The following PRH1 variants were observed in gnomAD, a reference collection of about 807,000 sequenced individuals.
The protein encoded by PRH1 is salivary acidic proline-rich phosphoprotein 1/2.
PRH1 carries 7 observed loss-of-function variants against 7.9 expected under a neutral mutation model. The observed-to-expected ratio is 0.89, with a 90% CI of 0.50 to 1.67. The LOEUF (loss-of-function observed/expected upper bound fraction) is 1.67, where lower values mean the gene tolerates loss of function less well. Among genes scored for constraint, PRH1 ranks in the 40% most tolerant of loss-of-function variants. The pLI is 0.00. For synonymous variants in PRH1, 45 were observed against 80.8 expected, an observed-to-expected ratio of 0.56 and a Z score of 2.38; for missense variants, 109 against 223.6, an observed-to-expected ratio of 0.49 and a Z score of 3.27.
chr12:10,914,632 T>C (rs755164231), intron 2 of PRH1, among the ~76,000 whole-genome samples: 1 of 152,146 alleles, frequency 6.6e-6, no homozygotes, highest in Non-Finnish European at 1.5e-5. Flanking sequence ...CATTAAGAAC[T>C]CTCCCCTCAT....
chr12:10,890,225 TA>T (rs1949550889), intron 2 of PRH1, among the ~76,000 whole-genome samples: 1 of 152,198 alleles, frequency 6.6e-6, no homozygotes, highest in Non-Finnish European at 1.5e-5. Context: ...TTTGTCCCAC[TA>T]ACATTTTTGG....
At chr12:11,007,775 C>A (rs1306564136) in intron 1 of PRH1, among the ~76,000 whole-genome samples, 20 of 152,004 alleles carry the variant, frequency 1.3e-4, no homozygotes. Flanking sequence ...TTCCCAGAAG[C>A]AGAATGAGAA....
intron 1 of PRH1, among the ~76,000 whole-genome samples, chr12:11,090,941 T>C (rs572831321): frequency 1.8e-5 from 2 of 110,114 alleles, no homozygotes; most frequent in East Asian, 4.3e-4. Flanking sequence ...TAAATAGACA[T>C]TGCAAATTCT....
chr12:11,065,687 GTATT>G (rs765972266), intron 1 of PRH1, among the ~76,000 whole-genome samples: 3 of 152,104 alleles, frequency 2.0e-5, no homozygotes, highest in African/African-American at 4.8e-5. Flanking sequence ...ACTAAACAAA[GTATT>G]TATAACACCA....
At chr12:11,000,947 G>C (rs1439885709) in intron 1 of PRH1, among the ~76,000 whole-genome samples, 1 of 152,092 alleles carries the variant, frequency 6.6e-6, no homozygotes, top group Admixed American at 6.6e-5. Flanking sequence ...GCAGAACAAA[G>C]CACTCTTACC....
At chr12:11,162,501 C>T (rs1592129496) in intron 1 of PRH1, among the ~76,000 whole-genome samples, 1 of 152,296 alleles carries the variant, frequency 6.6e-6, no homozygotes, top group East Asian at 1.9e-4. Flanking sequence ...AAGCCCTGAA[C>T]TTTAAGCTGA....
At chr12:10,897,606 G>A (rs1409155768) in intron 2 of PRH1, among the ~76,000 whole-genome samples, 1 of 152,224 alleles carries the variant, frequency 6.6e-6, no homozygotes, top group African/African-American at 2.4e-5. Context: ...AGGAAGCATG[G>A]CGGCATCTGT....
intron 2 of PRH1, among the ~76,000 whole-genome samples, chr12:10,924,365 A>G (rs1168380678): frequency 6.6e-6 from 1 of 152,216 alleles, no homozygotes; most frequent in African/African-American, 2.4e-5. Context: ...ACAGCAGTTT[A>G]TTACTTTTTT....
At chr12:11,158,281 T>C (rs1387460397) in intron 1 of PRH1, among the ~76,000 whole-genome samples, 3 of 152,178 alleles carry the variant, frequency 2.0e-5, no homozygotes, top group Non-Finnish European at 2.9e-5. Context: ...ATCTGGGTTA[T>C]TTTATTACAG....
chr12:10,898,322 G>C (rs1345892275), intron 2 of PRH1, among the ~76,000 whole-genome samples: 1 of 152,168 alleles, frequency 6.6e-6, no homozygotes, highest in Non-Finnish European at 1.5e-5. Flanking sequence ...GAGTTGGACA[G>C]CCCACCAAAA....
intron 2 of PRH1, among the ~76,000 whole-genome samples, chr12:10,952,731 A>C (rs1379603092): frequency 1.3e-5 from 2 of 152,198 alleles, no homozygotes. Context: ...CCACATGCAT[A>C]AAGATGAATT....
chr12:10,954,707 G>C (rs1386964938), intron 2 of PRH1, among the ~76,000 whole-genome samples: 1 of 152,010 alleles, frequency 6.6e-6, no homozygotes, highest in African/African-American at 2.4e-5. Context: ...AAACTCCTGG[G>C]GTCAAGTGAT....
intron 1 of PRH1, among the ~76,000 whole-genome samples, chr12:11,044,726 G>A (rs1301292212): frequency 6.6e-6 from 1 of 152,128 alleles, no homozygotes; most frequent in Non-Finnish European, 1.5e-5. Context: ...TTGACCATCA[G>A]AGAAATGCAA....
rs183077962 is a variant in PRH1, at chr12:11,168,018, G to C, written n.39+3404C>G. On this transcript the variant is annotated intron_variant and non_coding_transcript_variant, in intron 1 of 1. Transcript: ENST00000541175. The stretch of plus-strand genomic sequence containing the variant: ...TGGCCTTGTAATGAAGAATACAATA[G>C]ATCTTAATAATCTGACAATTATTAA... Among the ~76,000 whole-genome samples, 617 of 151,806 alleles carry C rather than the reference G, an allele frequency of 4.1e-3. 6 individuals are homozygous for C. The highest frequency in any genetic ancestry group is 0.013 in the African/African-American group (557 of 41,390).
chr12:11,096,790 T>A (rs1280586465), intron 1 of PRH1, among the ~76,000 whole-genome samples: 1 of 110,816 alleles, frequency 9.0e-6, no homozygotes, highest in Non-Finnish European at 2.2e-5. Flanking sequence ...CGGTTTTTGT[T>A]TTTTTTGTTG....
intron 1 of PRH1, among the ~76,000 whole-genome samples, chr12:10,982,881 C>G (rs1165609055): frequency 6.7e-6 from 1 of 150,344 alleles, no homozygotes; most frequent in Non-Finnish European, 1.5e-5. Flanking sequence ...TATATACTTC[C>G]TATCACTAAA....
At chr12:11,130,109 C>G (rs573988647) in intron 1 of PRH1, among the ~76,000 whole-genome samples, 148 of 152,290 alleles carry the variant, frequency 9.7e-4, no homozygotes, top group African/African-American at 3.4e-3. Context: ...TGTGATCCTG[C>G]CACTGCATTC....
At chr12:11,123,874 T>G (rs1216255616) in intron 1 of PRH1, among the ~76,000 whole-genome samples, 1 of 152,226 alleles carries the variant, frequency 6.6e-6, no homozygotes, top group Non-Finnish European at 1.5e-5. Context: ...TAATCTTTTA[T>G]TATCTTTCCA....
intron 1 of PRH1, chr12:11,061,229 G>A: frequency 1.5e-6 from 2 of 1,304,692 alleles, no homozygotes; most frequent in South Asian, 3.2e-5. Context: ...CTAACGTTAG[G>A]TAAAAGACTT....
Sources: gnomAD v4.1 joint callset for allele counts (sites outside exome capture counted in the v4.1 genomes callset) on GRCh38, gnomAD v4.1.1 for gene constraint, MANE v1.5 for transcripts, NCBI Gene and HGNC (gene_info 2026-07-23, HGNC 2026-07-21) for gene names.